The following LRRC7 variants were observed in gnomAD, a reference collection of about 807,000 sequenced individuals.
LRRC7 encodes the protein leucine-rich repeat-containing protein 7.
LRRC7 carries 23 observed loss-of-function variants against 175.7 expected under a neutral mutation model. The observed-to-expected ratio is 0.13, with a 90% CI of 0.09 to 0.19. The LOEUF is 0.19. Ranked by LOEUF, LRRC7 falls within the 10% of genes least tolerant of loss-of-function variation. LRRC7 has a pLI of 1.00. For synonymous variants in LRRC7, 685 were observed against 680.9 expected (o/e 1.01, Z -0.09); for missense variants, 1,354 against 1,904.7 (o/e 0.71, Z 5.38).
chr1:69,787,873 T>A (rs1557729645), intron 3 of LRRC7, among the ~76,000 whole-genome samples: 1 of 152,114 alleles, frequency 6.6e-6, no homozygotes, highest in Non-Finnish European at 1.5e-5. Context: ...AGGATGAGAT[T>A]TGGGTGGGGA....
At chr1:70,035,843 T>C (rs899229929) in intron 18 of LRRC7, among the ~76,000 whole-genome samples, 2 of 152,060 alleles carry the variant, frequency 1.3e-5, no homozygotes, top group Admixed American at 6.6e-5. Context: ...ACCAGCCACA[T>C]TTTGTCTTTC....
At chr1:69,914,225 G>A (rs1646620348) in intron 7 of LRRC7, among the ~76,000 whole-genome samples, 1 of 152,178 alleles carries the variant, frequency 6.6e-6, no homozygotes, top group African/African-American at 2.4e-5. Flanking sequence ...CCAAGTTGCT[G>A]CACTGGAAAT....
At chr1:69,658,360 A>C (rs1656954398) in intron 1 of LRRC7, among the ~76,000 whole-genome samples, 1 of 152,032 alleles carries the variant, frequency 6.6e-6, no homozygotes, top group Non-Finnish European at 1.5e-5. Context: ...AGCACTAAAC[A>C]CCCTGAAAGT....
chr1:69,577,441 G>T (rs906144141), intron 1 of LRRC7, among the ~76,000 whole-genome samples: 1 of 152,016 alleles, frequency 6.6e-6, no homozygotes, highest in Admixed American at 6.6e-5. Context: ...GTTTTAGACA[G>T]CAAGTCCTTG....
chr1:69,673,219 A>C (rs1265851995), intron 1 of LRRC7, among the ~76,000 whole-genome samples: 1 of 152,212 alleles, frequency 6.6e-6, no homozygotes, highest in African/African-American at 2.4e-5. Flanking sequence ...GATAATCTTT[A>C]GTACTGGGAA....
At chr1:69,629,601 C>A (rs1652158696) in intron 1 of LRRC7, among the ~76,000 whole-genome samples, 1 of 152,028 alleles carries the variant, frequency 6.6e-6, no homozygotes, top group Admixed American at 6.6e-5. Flanking sequence ...TTTCTCTCTC[C>A]AAATTCTCTT....
intron 8 of LRRC7, among the ~76,000 whole-genome samples, chr1:69,946,333 A>G (rs1023173970): frequency 7.2e-5 from 11 of 152,140 alleles, no homozygotes; most frequent in Admixed American, 7.2e-4. Context: ...CCCACTTACA[A>G]ATGTTCTGTG....
At chr1:69,591,861 T>G (rs1368316159) in intron 1 of LRRC7, among the ~76,000 whole-genome samples, 1 of 152,064 alleles carries the variant, frequency 6.6e-6, no homozygotes, top group African/African-American at 2.4e-5. Flanking sequence ...TGGTCTACTG[T>G]TTTACCTCAG....
chr1:69,895,849 G>T (rs1057420908), intron 7 of LRRC7, among the ~76,000 whole-genome samples: 2 of 152,040 alleles, frequency 1.3e-5, no homozygotes, highest in African/African-American at 4.8e-5. Context: ...TATTTGTGTT[G>T]CTTCCTTTCA....
chr1:70,001,986 G>A (rs992450148), intron 11 of LRRC7, among the ~76,000 whole-genome samples: 3 of 152,100 alleles, frequency 2.0e-5, no homozygotes, highest in African/African-American at 7.2e-5. Context: ...GCTGTTAACT[G>A]AACTATATGT....
intron 1 of LRRC7, among the ~76,000 whole-genome samples, chr1:69,632,376 A>C (rs953025075): frequency 6.6e-6 from 1 of 152,148 alleles, no homozygotes; most frequent in South Asian, 2.1e-4. Context: ...ATATTTATTA[A>C]ATTTACAGTT....
intron 5 of LRRC7, among the ~76,000 whole-genome samples, chr1:69,828,670 A>T (rs1570188927): frequency 3.3e-5 from 5 of 152,200 alleles, no homozygotes; most frequent in Admixed American, 3.3e-4. Flanking sequence ...TGTGCTAAGG[A>T]GGTAAAATTA....
At chr1:69,932,041 C>T (rs1343534161) in intron 8 of LRRC7, among the ~76,000 whole-genome samples, 3 of 152,164 alleles carry the variant, frequency 2.0e-5, no homozygotes, top group South Asian at 2.1e-4. Context: ...ATATTGAAAG[C>T]GTCTTTCTAG....
At chr1:69,995,576 C>A (rs56197080) in intron 11 of LRRC7, among the ~76,000 whole-genome samples, 325 of 149,340 alleles carry the variant, frequency 2.2e-3, no homozygotes, top group African/African-American at 7.4e-3. Flanking sequence ...ACAATGGTCC[C>A]CAGAGTGTGA....
chr1:69,715,951 A>G (rs941309637), intron 2 of LRRC7, among the ~76,000 whole-genome samples: 1 of 152,000 alleles, frequency 6.6e-6, no homozygotes, highest in African/African-American at 2.4e-5. Flanking sequence ...CTGGATTTAT[A>G]TACCCACAGC....
intron 1 of LRRC7, among the ~76,000 whole-genome samples, chr1:69,666,106 A>G (rs1457170651): frequency 1.3e-5 from 2 of 152,014 alleles, no homozygotes; most frequent in East Asian, 3.9e-4. Flanking sequence ...CCTTTATTGC[A>G]TTGATAGAAT....
In LRRC7 at chr1:69,778,961, C is replaced by CAT. The variant is rs144881899; in HGVS notation, c.304-13068_304-13067dup. ...ATACACATATATACACACACACAAACATATATATATATATACACACACACT... is the reference window on the plus strand; with the variant it reads ...ATACACATATATACACACACACAAACATATATATATATATATACACACACACT... On this transcript the variant is annotated intron_variant, in intron 3 of 26. Transcript: ENST00000651989. Among the ~76,000 whole-genome samples the CAT allele has an allele frequency of 1.1e-3, 151 of 135,364 alleles. 4 individuals carry two copies. The South Asian group carries it at 0.021, about 19-fold the overall frequency. 88.8% of individuals were successfully genotyped at this position (135,364 alleles called of 152,430 possible).
chr1:69,785,332 C>G (rs1372645228), intron 3 of LRRC7, among the ~76,000 whole-genome samples: 1 of 152,032 alleles, frequency 6.6e-6, no homozygotes, highest in Non-Finnish European at 1.5e-5. Flanking sequence ...ATCAGTATTG[C>G]TGTGTAAACT....
chr1:69,980,644 T>C (rs1268211409), intron 9 of LRRC7, among the ~76,000 whole-genome samples, 191 bp downstream of exon 9: 2 of 152,096 alleles, frequency 1.3e-5, no homozygotes, highest in Non-Finnish European at 2.9e-5. Flanking sequence ...GTGAGTGTTA[T>C]AGGTATACAA....
Sources: gnomAD v4.1 joint callset for allele counts (sites outside exome capture counted in the v4.1 genomes callset) on GRCh38, gnomAD v4.1.1 for gene constraint, MANE v1.5 for transcripts, NCBI Gene and HGNC (gene_info 2026-07-23, HGNC 2026-07-21) for gene names.